The following MYT1L variants were observed in gnomAD, a reference collection of about 807,000 sequenced individuals.
MYT1L encodes myelin transcription factor 1 like.
Under a neutral mutation model 126.7 loss-of-function variants are expected in MYT1L, and 12 were observed. The ratio of observed to expected loss-of-function variants is 0.09; its 90% CI spans 0.06 to 0.15. MYT1L has a LOEUF of 0.15. Ranked by LOEUF, MYT1L falls within the 10% of genes least tolerant of loss-of-function variation. The pLI is 1.00. For missense variants in MYT1L, 979 were observed against 1,585.2 expected (o/e 0.62, Z 6.49); for synonymous variants, 541 against 604.2 (o/e 0.90, Z 1.53).
chr2:2,254,462 G>C (rs991972385), intron 2 of MYT1L, among the ~76,000 whole-genome samples: 2 of 152,140 alleles, frequency 1.3e-5, no homozygotes, highest in African/African-American at 4.8e-5. Context: ...AGAGGCGCTG[G>C]AGCTGCTGAG....
chr2:1,888,957 G>A (rs956397046), intron 16 of MYT1L, among the ~76,000 whole-genome samples: 1 of 152,160 alleles, frequency 6.6e-6, no homozygotes, highest in Non-Finnish European at 1.5e-5. Context: ...GAACTCAGGT[G>A]CTATTTATAC....
intron 1 of MYT1L, among the ~76,000 whole-genome samples, chr2:2,285,114 C>G (rs1363986280): frequency 6.6e-6 from 1 of 152,216 alleles, no homozygotes; most frequent in African/African-American, 2.4e-5. Flanking sequence ...GGTCTCCGTC[C>G]TCCCTACAAA....
intron 2 of MYT1L, among the ~76,000 whole-genome samples, chr2:2,274,058 G>C (rs1211911814): frequency 6.6e-6 from 1 of 151,962 alleles, no homozygotes; most frequent in East Asian, 1.9e-4. Flanking sequence ...AGAAAGGTAG[G>C]CACAAAGAAG....
chr2:1,878,429 C>T (rs1028617374), intron 18 of MYT1L, among the ~76,000 whole-genome samples: 11 of 152,076 alleles, frequency 7.2e-5, no homozygotes, highest in Non-Finnish European at 1.6e-4. Flanking sequence ...TATTCCTACA[C>T]GTTTGTTAGA....
chr2:2,146,598 T>C (rs1414656964), intron 3 of MYT1L, among the ~76,000 whole-genome samples: 1 of 152,202 alleles, frequency 6.6e-6, no homozygotes, highest in Non-Finnish European at 1.5e-5. Context: ...CAAGCTGCTG[T>C]CCCCTGTGTC....
At chr2:1,966,225 A>G (rs1432980573) in intron 8 of MYT1L, among the ~76,000 whole-genome samples, 1 of 152,256 alleles carries the variant, frequency 6.6e-6, no homozygotes, top group Non-Finnish European at 1.5e-5. Flanking sequence ...ACGCTGAGTG[A>G]GCGAGATCAT....
At chr2:2,031,756 A>G (rs1021068901) in intron 4 of MYT1L, among the ~76,000 whole-genome samples, 2 of 144,956 alleles carry the variant, frequency 1.4e-5, no homozygotes, top group Non-Finnish European at 3.0e-5. Flanking sequence ...CAGATTCGAG[A>G]AGGAGGGCCT....
chr2:2,186,974 T>A (rs1221112171), intron 2 of MYT1L, among the ~76,000 whole-genome samples: 1 of 152,188 alleles, frequency 6.6e-6, no homozygotes, highest in African/African-American at 2.4e-5. Context: ...ATCCTCCTTT[T>A]GGAAAACAAA....
chr2:2,225,782 C>T (rs1377635979), intron 2 of MYT1L, among the ~76,000 whole-genome samples: 1 of 152,068 alleles, frequency 6.6e-6, no homozygotes, highest in Non-Finnish European at 1.5e-5. Flanking sequence ...CATGGAGAAA[C>T]TTAAGGGGAA....
At chr2:1,992,601 G>A (rs1276876290) in intron 5 of MYT1L, among the ~76,000 whole-genome samples, 1 of 152,166 alleles carries the variant, frequency 6.6e-6, no homozygotes, top group Admixed American at 6.5e-5. Context: ...AATTATGACT[G>A]ACACAGTGAA....
At chr2:2,097,978 C>T (rs985293798) in intron 3 of MYT1L, among the ~76,000 whole-genome samples, 10 of 152,146 alleles carry the variant, frequency 6.6e-5, no homozygotes, top group African/African-American at 2.2e-4. Flanking sequence ...GGCACCTCCC[C>T]GCTTGCCCTC....
intron 21 of MYT1L, among the ~76,000 whole-genome samples, chr2:1,810,275 G>A (rs1271309622): frequency 6.6e-6 from 1 of 151,918 alleles, no homozygotes; most frequent in African/African-American, 2.4e-5. Context: ...TAGCCTCTGG[G>A]ATTACAGGTG....
At chr2:2,100,993 G>A (rs1234298311) in intron 3 of MYT1L, among the ~76,000 whole-genome samples, 1 of 152,102 alleles carries the variant, frequency 6.6e-6, no homozygotes, top group Non-Finnish European at 1.5e-5. Flanking sequence ...CTGTAGCAGA[G>A]TTATCACTCC....
chr2:2,103,824 G>A (rs1370968785), intron 3 of MYT1L, among the ~76,000 whole-genome samples: 1 of 152,194 alleles, frequency 6.6e-6, no homozygotes, highest in East Asian at 1.9e-4. Flanking sequence ...TCAGATTTGG[G>A]TGACATACAT....
intron 3 of MYT1L, among the ~76,000 whole-genome samples, chr2:2,086,847 G>A (rs1246752711): frequency 2.6e-5 from 4 of 152,150 alleles, no homozygotes; most frequent in African/African-American, 9.7e-5. Context: ...TTCAGCTGGT[G>A]TCCCACACCT....
chr2:2,197,399 C>T (rs974874493), intron 2 of MYT1L, among the ~76,000 whole-genome samples: 3 of 152,072 alleles, frequency 2.0e-5, no homozygotes. Flanking sequence ...ACCCAAGGGA[C>T]AGAATAAAAT....
intron 4 of MYT1L, among the ~76,000 whole-genome samples, chr2:2,015,205 G>A (rs1320873263): frequency 6.6e-6 from 1 of 152,152 alleles, no homozygotes; most frequent in African/African-American, 2.4e-5. Context: ...GCAAGGGCAG[G>A]GCCTTTAAGC....
intron 2 of MYT1L, among the ~76,000 whole-genome samples, chr2:2,185,478 AG>A (rs969587783): frequency 1.7e-5 from 2 of 120,982 alleles, no homozygotes; most frequent in Non-Finnish European, 3.4e-5. Flanking sequence ...TCCTTCTGTG[AG>A]GGGGACGCAG....
chr2:2,127,157 G>T (rs2081820015), intron 3 of MYT1L, among the ~76,000 whole-genome samples: 1 of 152,154 alleles, frequency 6.6e-6, no homozygotes, highest in South Asian at 2.1e-4. Flanking sequence ...GGGCCATGGG[G>T]TTTGTTGTAC....
Sources: gnomAD v4.1 joint callset for allele counts (sites outside exome capture counted in the v4.1 genomes callset) on GRCh38, gnomAD v4.1.1 for gene constraint, MANE v1.5 for transcripts, NCBI Gene and HGNC (gene_info 2026-07-23, HGNC 2026-07-21) for gene names.